NKAIN3: variants seen among roughly 807,000 people sequenced by gnomAD.
NKAIN3 encodes the protein sodium/potassium-transporting ATPase subunit beta-1-interacting protein 3.
Under a neutral mutation model 30.2 loss-of-function variants are expected in NKAIN3, and 25 were observed. That is an observed-to-expected ratio of 0.83 (90% CI 0.60 to 1.16). The LOEUF (loss-of-function observed/expected upper bound fraction) is 1.16. Among genes scored for constraint, NKAIN3 ranks in the 50% most tolerant of loss-of-function variants. NKAIN3 has a pLI of 0.00. For missense variants in NKAIN3, 225 were observed against 254.1 expected (o/e 0.89, Z 0.78); for synonymous variants, 91 against 89.6 (o/e 1.02, Z -0.09).
At chr8:62,279,098 T>C (rs1813078047) in intron 1 of NKAIN3, among the ~76,000 whole-genome samples, 1 of 152,156 alleles carries the variant, frequency 6.6e-6, no homozygotes, top group African/African-American at 2.4e-5. Context: ...TGTCTCATAG[T>C]GGTTTTGATT....
Position 62,503,459 on chromosome 8 carries a change from T to G in NKAIN3, c.55-76080T>G, listed in dbSNP as rs1240377933. 2.0e-5 allele frequency among the ~76,000 whole-genome samples: 3 copies of G among 152,152 alleles called. No individual in the cohort carries two copies. The East Asian group carries it at 5.8e-4, about 29-fold the overall frequency. On this transcript the variant is annotated intron_variant, in intron 1 of 6. Coordinates refer to ENST00000623646, the MANE Select transcript of NKAIN3 (RefSeq NM_001304533.3). Reference sequence around the variant, plus strand: ...TGCACATATTGTCTTGATAAACATCTTAACAGAAAACAGGGTTCGAGAGCA... The same window carrying G: ...TGCACATATTGTCTTGATAAACATCGTAACAGAAAACAGGGTTCGAGAGCA...
chr8:62,324,791 C>A (rs1309875144), intron 1 of NKAIN3, among the ~76,000 whole-genome samples: 2 of 152,036 alleles, frequency 1.3e-5, no homozygotes, highest in East Asian at 3.9e-4. Context: ...CAGTATCCTA[C>A]CCGTGAGAAT....
chr8:62,392,937 A>G lies in NKAIN3; in HGVS notation c.54+143810A>G, dbSNP rs78562009. Among the ~76,000 whole-genome samples, 677 of 152,238 alleles carry G rather than the reference A, an allele frequency of 4.4e-3. 3 individuals carry two copies. Among genetic ancestry groups the G allele is most frequent in the African/African-American group, 0.016 (654 of 41,582 alleles). ...TCTCCTGGACTGTAACAGCAGTACA[A>G]ATCTTCATGTTGATAATGTGCAGAA... On this transcript the variant is annotated intron_variant, in intron 1 of 6. Transcript: ENST00000623646.
chr8:62,986,690 C>A (rs1824206377), downstream of NKAIN3, among the ~76,000 whole-genome samples: 1 of 152,170 alleles, frequency 6.6e-6, no homozygotes, highest in Non-Finnish European at 1.5e-5. Flanking sequence ...ACTGCCATTG[C>A]ATTTATTATG....
rs569900765 is a variant in NKAIN3, at chr8:62,942,605, G to A, written c.533-11297G>A. Among the ~76,000 whole-genome samples the A allele has an allele frequency of 3.3e-5, 5 of 151,418 alleles. No individual in the cohort carries two copies. In the East Asian group the frequency reaches 7.7e-4, roughly 23 times the overall value. Reference sequence around the variant, plus strand: ...CTAAGCAAAAAGAACAAATCTGGAGGCATCACATTACCTGACTTCAAACTA... The same window carrying A: ...CTAAGCAAAAAGAACAAATCTGGAGACATCACATTACCTGACTTCAAACTA... On this transcript the variant is annotated intron_variant, in intron 5 of 6. Coordinates refer to ENST00000623646, the MANE Select transcript of NKAIN3 (RefSeq NM_001304533.3).
intron 3 of NKAIN3, among the ~76,000 whole-genome samples, chr8:62,714,888 G>T (rs1031951544): frequency 7.9e-5 from 12 of 152,244 alleles, no homozygotes; most frequent in South Asian, 4.1e-4. Context: ...CCAACATTAA[G>T]GTCATTAACA....
intron 2 of NKAIN3, among the ~76,000 whole-genome samples, chr8:62,583,746 G>A (rs1171062390): frequency 6.6e-6 from 1 of 152,098 alleles, no homozygotes; most frequent in Admixed American, 6.5e-5. Context: ...AGTATAAGTT[G>A]TGATATAGGA....
intron 1 of NKAIN3, among the ~76,000 whole-genome samples, chr8:62,261,391 A>T (rs1812436330): frequency 6.6e-6 from 1 of 152,204 alleles, no homozygotes; most frequent in African/African-American, 2.4e-5. Context: ...TTCAGAACTG[A>T]TAATGGGTTA....
intron 3 of NKAIN3, among the ~76,000 whole-genome samples, chr8:62,637,901 C>T (rs1812183613): frequency 6.6e-6 from 1 of 152,132 alleles, no homozygotes; most frequent in African/African-American, 2.4e-5. Context: ...GCCTATAACA[C>T]ATTATAAACA....
intron 3 of NKAIN3, among the ~76,000 whole-genome samples, chr8:62,652,279 C>A (rs1586051562): frequency 6.6e-6 from 1 of 152,122 alleles, no homozygotes; most frequent in East Asian, 1.9e-4. Flanking sequence ...CAATGTCATT[C>A]AACACTTTAT....
At chr8:62,617,158 C>G (rs973570059) in intron 3 of NKAIN3, among the ~76,000 whole-genome samples, 1 of 152,186 alleles carries the variant, frequency 6.6e-6, no homozygotes, top group African/African-American at 2.4e-5. Context: ...CATGCTTCTA[C>G]AGCCTGCAGA....
At chr8:62,262,789 T>A (rs1435177528) in intron 1 of NKAIN3, among the ~76,000 whole-genome samples, 1 of 152,176 alleles carries the variant, frequency 6.6e-6, no homozygotes, top group African/African-American at 2.4e-5. Flanking sequence ...ACAGAGCCTA[T>A]GTCATACAGA....
chr8:62,932,984 C>G (rs1822665726), intron 5 of NKAIN3, among the ~76,000 whole-genome samples: 1 of 111,646 alleles, frequency 9.0e-6, no homozygotes, highest in Admixed American at 9.7e-5. Context: ...TACCCCAAGC[C>G]TCACTCAATG....
intron 3 of NKAIN3, among the ~76,000 whole-genome samples, chr8:62,666,375 A>T: frequency 6.6e-6 from 1 of 152,186 alleles, no homozygotes; most frequent in East Asian, 1.9e-4. Context: ...CCAAAGTAAA[A>T]ACAGAATTAT....
intron 3 of NKAIN3, among the ~76,000 whole-genome samples, chr8:62,687,801 C>A (rs969554323): frequency 1.3e-5 from 2 of 152,132 alleles, no homozygotes; most frequent in Non-Finnish European, 2.9e-5. Context: ...TGTCTGTGTC[C>A]CTAAGCTTTC....
At chr8:62,741,269 G>A (rs933648171) in intron 3 of NKAIN3, among the ~76,000 whole-genome samples, 5 of 151,914 alleles carry the variant, frequency 3.3e-5, no homozygotes, top group African/African-American at 4.8e-5. Context: ...TGCCATTCTG[G>A]CATATTGATT....
At chr8:62,882,865 T>G (rs765479583) in intron 4 of NKAIN3, among the ~76,000 whole-genome samples, 1 of 152,212 alleles carries the variant, frequency 6.6e-6, no homozygotes, top group East Asian at 1.9e-4. Context: ...ACTATACTTA[T>G]GTGGGGCTGT....
chr8:62,975,158 G>A lies in NKAIN3; in HGVS notation c.*9751G>A, dbSNP rs1281477004. Reference sequence around the variant, plus strand: ...GTGTCTCTGCCTGGGATTGGTATCAGAATGATGCTGGCCTCAAAATATGAG... The same window carrying A: ...GTGTCTCTGCCTGGGATTGGTATCAAAATGATGCTGGCCTCAAAATATGAG... On this transcript the variant is annotated 3_prime_UTR_variant, in exon 7 of 7. Coordinates refer to ENST00000623646, the MANE Select transcript of NKAIN3 (RefSeq NM_001304533.3). Among the ~76,000 whole-genome samples the A allele has an allele frequency of 6.6e-6, 1 of 152,156 alleles. No homozygotes were observed. Among genetic ancestry groups the A allele is most frequent in the African/African-American group, 2.4e-5 (1 of 41,446 alleles).
At chr8:62,249,649 T>C (rs1812027106) in intron 1 of NKAIN3, among the ~76,000 whole-genome samples, 1 of 152,112 alleles carries the variant, frequency 6.6e-6, no homozygotes, top group African/African-American at 2.4e-5. Context: ...TGAAAAGTGA[T>C]GGTTAAGGAG....
Sources: gnomAD v4.1 joint callset for allele counts (sites outside exome capture counted in the v4.1 genomes callset) on GRCh38, gnomAD v4.1.1 for gene constraint, MANE v1.5 for transcripts, NCBI Gene and HGNC (gene_info 2026-07-23, HGNC 2026-07-21) for gene names.